Variants in NUP188 observed in about 807,000 individuals in gnomAD.
NUP188 encodes nucleoporin 188.
A neutral mutation model predicts 223.0 loss-of-function variants in NUP188; 97 were observed. The ratio of observed to expected loss-of-function variants is 0.43; its 90% CI spans 0.37 to 0.51. NUP188 has a LOEUF of 0.51. Among genes scored for constraint, NUP188 ranks in the 20% least tolerant of loss-of-function variants. The pLI, the probability that NUP188 is intolerant of heterozygous loss-of-function variation, is 0.00. For missense variants in NUP188, 1,947 were observed against 2,175.6 expected (o/e 0.89, Z 2.09); for synonymous variants, 869 against 828.0 (o/e 1.05, Z -0.85).
At chr9:129,003,004 G>A (rs1208304681) in intron 37 of NUP188, 29 bp downstream of exon 37, 7 of 1,609,974 alleles carry the variant, frequency 4.3e-6, no homozygotes, top group Non-Finnish European at 5.9e-6. Context: ...TGCAGGGGTG[G>A]GAGTTTCAGG....
chr9:128,970,986 A>G (rs1323359242), intron 11 of NUP188, 28 bp downstream of exon 11: 2 of 1,556,974 alleles, frequency 1.3e-6, no homozygotes, highest in African/African-American at 1.4e-5. Flanking sequence ...GGTGGTGAGC[A>G]TGGGAGTGAG....
chr9:128,961,829 C>T (rs1419227719), intron 8 of NUP188, among the ~76,000 whole-genome samples: 1 of 151,774 alleles, frequency 6.6e-6, no homozygotes, highest in Admixed American at 6.6e-5. Flanking sequence ...CCATGTTGGT[C>T]AGGCTGGTCT....
At chr9:128,979,075 T>C (rs1348113234) in intron 12 of NUP188, among the ~76,000 whole-genome samples, 187 bp from the exon 13 acceptor site, 1 of 152,200 alleles carries the variant, frequency 6.6e-6, no homozygotes, top group Non-Finnish European at 1.5e-5. Context: ...ATTTTATTTA[T>C]TTATTTGTTT....
intron 12 of NUP188, among the ~76,000 whole-genome samples, 183 bp from the exon 13 acceptor site, chr9:128,979,079 T>C (rs1444632139): frequency 2.0e-5 from 3 of 152,224 alleles, no homozygotes; most frequent in Non-Finnish European, 2.9e-5. Context: ...TATTTATTTA[T>C]TTGTTTTCAA....
At position 128,993,524 on chromosome 9, in the gene NUP188, G is replaced by A; in HGVS notation, c.2848-1G>A. 1 of 1,614,196 alleles carries A rather than the reference G, an allele frequency of 6.2e-7. No individual in the cohort carries two copies. The highest frequency in any genetic ancestry group is 8.5e-7 in the Non-Finnish European group (1 of 1,180,032). ...GAACTCTTACCTGTCCCTTCTTGCA[G>A]GAATTCAGCCTTGGGATGTGGAGCT... On this transcript the variant is annotated splice_acceptor_variant, in intron 26 of 43. Transcript: ENST00000372577. LOFTEE classifies it high-confidence loss of function.
At position 128,988,079 on chromosome 9, in the gene NUP188, T is replaced by G; in HGVS notation, c.2426T>G (p.Leu809Arg). The change falls in exon 24 of 44, where the codon CTG (leucine) becomes CGG (arginine). Residue 809 changes from leucine to arginine, a missense_variant. Coordinates refer to ENST00000372577, the MANE Select transcript of NUP188 (RefSeq NM_015354.3). The part of the protein sequence containing the change: ...DGAEGQGQGQ[L>R]LIKTVKLAFS... Reference sequence around the variant, plus strand: ...GCAGAGGGCCAGGGGCAGGGCCAGCTGCTGATCAAGACAGTGAAACTGGCA... The same window carrying G: ...GCAGAGGGCCAGGGGCAGGGCCAGCGGCTGATCAAGACAGTGAAACTGGCA... The G allele has an allele frequency of 6.2e-7, 1 of 1,614,226 alleles. No individual in the cohort carries two copies. The highest frequency in any genetic ancestry group is 8.5e-7 in the Non-Finnish European group (1 of 1,180,030).
At chr9:129,004,175 C>A (rs966354322) in intron 38 of NUP188, among the ~76,000 whole-genome samples, 8 of 148,190 alleles carry the variant, frequency 5.4e-5, no homozygotes, top group African/African-American at 1.7e-4. Context: ...TACTCAGGAT[C>A]GGGAGGCTGA....
At chr9:128,966,246 GTCTGTC>G (rs1287592003) in intron 8 of NUP188, among the ~76,000 whole-genome samples, 4 of 133,092 alleles carry the variant, frequency 3.0e-5, no homozygotes, top group Admixed American at 1.6e-4. Context: ...TTCTGTCTCT[GTCTGTC>G]TCTGTGTCTG....
At position 128,998,205 on chromosome 9, in the gene NUP188, G is replaced by T. The variant is rs758134582; in HGVS notation, c.3406G>T (p.Val1136Leu). The change falls in exon 31 of 44, where the codon GTG becomes TTG. Residue 1136 changes from valine (V) to leucine (L), a missense_variant. By Grantham distance (32) the Val-to-Leu change is conservative. Around this residue, in one of 3 missense-constraint regions of NUP188, gnomAD observed 905 missense variants for 990.6 expected, o/e 0.91. Coordinates refer to ENST00000372577, the MANE Select transcript of NUP188 (RefSeq NM_015354.3). ...GGTGCGTCGCCAGCTCTTTCTTGAC[G>T]TGCTTGATGGAACCAAAGCATTAGT... ...SVVRRQLFLD[V>L]LDGTKALLLV... is the part of the protein sequence containing the mutation. The T allele has an allele frequency of 6.2e-7, 1 of 1,613,628 alleles. No homozygotes were observed. Among genetic ancestry groups the T allele is most frequent in the Admixed American group, 1.7e-5 (1 of 59,982 alleles).
chr9:128,951,138 G>A (rs17432853), intron 2 of NUP188, among the ~76,000 whole-genome samples: 3 of 151,808 alleles, frequency 2.0e-5, no homozygotes, highest in Non-Finnish European at 4.4e-5. Context: ...GAGAAACCCC[G>A]TCTCTACTAA....
intron 5 of NUP188, 62 bp from the exon 6 acceptor site, chr9:128,957,948 T>C: frequency 8.0e-7 from 1 of 1,257,484 alleles, no homozygotes; most frequent in Admixed American, 2.1e-5. Context: ...GTATCTATCT[T>C]TTTTTATTAC....
At chr9:128,985,038 A>G (rs1468104373) in intron 20 of NUP188, 24 bp downstream of exon 20, 1 of 1,545,818 alleles carries the variant, frequency 6.5e-7, no homozygotes, top group African/African-American at 1.4e-5. Flanking sequence ...TTGTTCACAA[A>G]GGGCAGAAAA....
At chr9:129,000,610 GC>G (rs1244955523) in intron 34 of NUP188, among the ~76,000 whole-genome samples, 1 of 151,946 alleles carries the variant, frequency 6.6e-6, no homozygotes, top group African/African-American at 2.4e-5. Context: ...GAGCCACCAC[GC>G]CTGGCCACAA....
chr9:128,987,805 C>A, intron 23 of NUP188, 88 bp downstream of exon 23: 1 of 1,511,552 alleles, frequency 6.6e-7, no homozygotes, highest in Non-Finnish European at 9.0e-7. Context: ...CTTGCAGTAG[C>A]TTTTAGAAGA....
chr9:128,974,362 C>T (rs1212584870), intron 12 of NUP188, among the ~76,000 whole-genome samples: 1 of 149,036 alleles, frequency 6.7e-6, no homozygotes, highest in Non-Finnish European at 1.5e-5. Context: ...TTTGTTGGTG[C>T]TAGTAAGTCT....
intron 8 of NUP188, 109 bp from the exon 9 acceptor site, chr9:128,968,397 A>G (rs2131153283): frequency 3.8e-6 from 3 of 790,920 alleles, no homozygotes; most frequent in South Asian, 3.4e-5. Context: ...CTGCCACTGC[A>G]CTGTATCCTG....
intron 15 of NUP188, among the ~76,000 whole-genome samples, chr9:128,982,034 G>A (rs112508268): frequency 0.041 from 6,246 of 151,650 alleles, 436 homozygotes; most frequent in African/African-American, 0.14. Flanking sequence ...TTGAGATCGC[G>A]CCATTGCACT....
At chr9:129,002,668 C>T in intron 36 of NUP188, 149 bp from the exon 37 acceptor site, 1 of 767,832 alleles carries the variant, frequency 1.3e-6, no homozygotes, top group Non-Finnish European at 2.0e-6. Context: ...GGTGTTGGCC[C>T]CTTTCTGGCC....
At position 128,959,081 on chromosome 9, in the gene NUP188, G is replaced by C; in HGVS notation, c.532G>C (p.Glu178Gln). The C allele has an allele frequency of 6.2e-7, 1 of 1,603,928 alleles. No individual in the cohort carries two copies. The highest frequency in any genetic ancestry group is 1.1e-5 in the South Asian group (1 of 89,310). Residue 178 changes from glutamate to glutamine, a missense_variant, in exon 8 of 44, where the codon GAA becomes CAA. This residue lies in a region of NUP188 where 817 missense variants were observed against 865.8 expected (regional missense o/e 0.94). Transcript: ENST00000372577. ...AGTTTCAAAATACAGACAGCAGTTC[G>C]AAGAGCTTTATAAAACTGAAGCACC... ...ELVSKYRQQF[E>Q]ELYKTEAPTW...
Sources: allele counts gnomAD v4.1 joint callset (sites outside exome capture counted in the v4.1 genomes callset), GRCh38; gene constraint gnomAD v4.1.1; regional missense constraint gnomAD v4.1.1; transcripts MANE v1.5; gene names NCBI Gene and HGNC (gene_info 2026-07-23, HGNC 2026-07-21).